The following BPNT1 variants were observed in gnomAD, a reference collection of about 807,000 sequenced individuals.
BPNT1 encodes 3'(2'),5'-bisphosphate nucleotidase 1.
A neutral mutation model predicts 36.9 loss-of-function variants in BPNT1; 28 were observed. The ratio of observed to expected loss-of-function variants is 0.76; its 90% CI spans 0.56 to 1.04. The LOEUF (loss-of-function observed/expected upper bound fraction) is 1.04, where lower values mean the gene tolerates loss of function less well. Among genes scored for constraint, BPNT1 ranks in the 50% least tolerant of loss-of-function variants. The pLI, the probability that BPNT1 is intolerant of heterozygous loss-of-function variation, is 0.00. For synonymous variants in BPNT1, 119 were observed against 130.9 expected (o/e 0.91, Z 0.62); for missense variants, 313 against 372.9 (o/e 0.84, Z 1.32).
chr1:220,083,310 T>C (rs1655386533), intron 1 of BPNT1, among the ~76,000 whole-genome samples: 1 of 151,486 alleles, frequency 6.6e-6, no homozygotes, highest in African/African-American at 2.4e-5. Context: ...GAAATTAAGA[T>C]GAAAATTAAA....
chr1:220,080,444 C>T (rs1254964382), intron 1 of BPNT1, among the ~76,000 whole-genome samples: 1 of 152,074 alleles, frequency 6.6e-6, no homozygotes, highest in African/African-American at 2.4e-5. Context: ...TACTTCTGCA[C>T]CAACCTAATA....
intron 6 of BPNT1, among the ~76,000 whole-genome samples, chr1:220,064,457 A>G (rs369157299): frequency 4.6e-5 from 7 of 152,324 alleles, no homozygotes; most frequent in South Asian, 4.1e-4. Context: ...GGAAGAAATA[A>G]GCTGTGATGC....
chr1:220,086,995 C>A (rs185044847), intron 1 of BPNT1, among the ~76,000 whole-genome samples: 1 of 140,320 alleles, frequency 7.1e-6, no homozygotes, highest in Admixed American at 7.4e-5. Context: ...TGCAGTGAGC[C>A]GAGATGGTGC....
intron 1 of BPNT1, among the ~76,000 whole-genome samples, chr1:220,083,110 A>ATG (rs1655350192): frequency 6.6e-6 from 1 of 150,850 alleles, no homozygotes; most frequent in Non-Finnish European, 1.5e-5. Flanking sequence ...GGTGGCATGC[A>ATG]CCTGTAATCC....
chr1:220,082,856 T>C (rs1655322324), intron 1 of BPNT1, among the ~76,000 whole-genome samples: 2 of 152,074 alleles, frequency 1.3e-5, no homozygotes, highest in South Asian at 2.1e-4. Flanking sequence ...TTACATCTTG[T>C]TTCTATCATC....
At chr1:220,073,351 C>T (rs1207006834) in intron 3 of BPNT1, among the ~76,000 whole-genome samples, 2 of 151,694 alleles carry the variant, frequency 1.3e-5, no homozygotes, top group Non-Finnish European at 2.9e-5. Context: ...TGCAGGGACA[C>T]CATCTCAGCT....
chr1:220,070,885 C>T (rs1664002124), intron 4 of BPNT1, among the ~76,000 whole-genome samples: 1 of 149,920 alleles, frequency 6.7e-6, no homozygotes, highest in Non-Finnish European at 1.5e-5. Flanking sequence ...CGCCTATAAT[C>T]CCAGCACTTT....
chr1:220,059,036 G>T, intron 8 of BPNT1, 44 bp from the exon 9 acceptor site: 1 of 1,598,530 alleles, frequency 6.3e-7, no homozygotes, highest in Non-Finnish European at 8.5e-7. Flanking sequence ...GTGGCTAATT[G>T]GATTGTGGTT....
At chr1:220,074,395 T>C (rs1304374875) in intron 2 of BPNT1, among the ~76,000 whole-genome samples, 1 of 152,232 alleles carries the variant, frequency 6.6e-6, no homozygotes, top group Non-Finnish European at 1.5e-5. Flanking sequence ...TAATAGTTAT[T>C]AGAAAAGTGT....
In BPNT1 at chr1:220,059,004, C is replaced by T; in HGVS notation, c.779-12G>A. 5.6e-6 allele frequency: 9 copies of T among 1,612,526 alleles called. No homozygotes were observed. The highest frequency in any genetic ancestry group is 7.6e-6 in the Non-Finnish European group (9 of 1,179,172). ...ATCGGTTAACTTGCCTATAGAAAAACATCAATCAATCAATCAAGTTAGTGG... is the reference window on the plus strand; with the variant it reads ...ATCGGTTAACTTGCCTATAGAAAAATATCAATCAATCAATCAAGTTAGTGG... On this transcript the variant is annotated splice_polypyrimidine_tract_variant and intron_variant, in intron 8 of 8. Transcript: ENST00000322067.
At chr1:220,077,670 C>G (rs749030995) in intron 2 of BPNT1, among the ~76,000 whole-genome samples, 1 of 152,116 alleles carries the variant, frequency 6.6e-6, no homozygotes, top group African/African-American at 2.4e-5. Flanking sequence ...AGTGAACTCA[C>G]GTCAACTTTT....
At chr1:220,079,952 C>T (rs1664953294) in intron 1 of BPNT1, 98 bp from the exon 2 acceptor site, 2 of 1,265,424 alleles carry the variant, frequency 1.6e-6, no homozygotes, top group South Asian at 1.6e-5. Flanking sequence ...TGAGTGCTAA[C>T]TTGGGATTGC....
intron 6 of BPNT1, among the ~76,000 whole-genome samples, chr1:220,064,139 T>C (rs1268092021): frequency 6.6e-6 from 1 of 152,026 alleles, no homozygotes; most frequent in Non-Finnish European, 1.5e-5. Flanking sequence ...ATTAGAAAAA[T>C]GAAATGTGGA....
intron 5 of BPNT1, among the ~76,000 whole-genome samples, chr1:220,068,170 C>G (rs557284736): frequency 1.3e-5 from 2 of 152,072 alleles, no homozygotes; most frequent in African/African-American, 2.4e-5. Flanking sequence ...TTATCATCAT[C>G]ATCATCATTA....
At chr1:220,076,462 C>T (rs938963443) in intron 2 of BPNT1, among the ~76,000 whole-genome samples, 6 of 143,258 alleles carry the variant, frequency 4.2e-5, no homozygotes, top group Non-Finnish European at 7.5e-5. Context: ...GATCATGCCA[C>T]TGTACTCCAG....
chr1:220,077,350 A>G (rs2102721966), intron 2 of BPNT1, among the ~76,000 whole-genome samples: 1 of 152,206 alleles, frequency 6.6e-6, no homozygotes, highest in East Asian at 1.9e-4. Context: ...AAATCTATCA[A>G]AAAAGGAAAT....
intron 1 of BPNT1, among the ~76,000 whole-genome samples, chr1:220,086,418 C>T (rs1655729244): frequency 6.6e-6 from 1 of 151,906 alleles, no homozygotes; most frequent in African/African-American, 2.4e-5. Context: ...ACTACAGGCA[C>T]GCATCACCAC....
chr1:220,067,454 A>AC (rs1385263213), intron 5 of BPNT1, 61 bp from the exon 6 acceptor site: 10 of 1,134,152 alleles, frequency 8.8e-6, no homozygotes, highest in Non-Finnish European at 1.3e-5. Context: ...CATCATTACT[A>AC]CATCAATTGC....
Position 220,057,899 on chromosome 1 carries a change from C to T in BPNT1, c.*945G>A, listed in dbSNP as rs12407434. On this transcript the variant is annotated 3_prime_UTR_variant, in exon 9 of 9. Transcript: ENST00000322067. ...TGCCCTAAAGAAATCTGGTTTAGGCCAGGTGCGGTGGCTCACACCTGTAAT... is the reference window on the plus strand; with the variant it reads ...TGCCCTAAAGAAATCTGGTTTAGGCTAGGTGCGGTGGCTCACACCTGTAAT... 5.4e-6 allele frequency: 7 copies of T among 1,299,676 alleles called. No individual in the cohort carries two copies. Among genetic ancestry groups the T allele is most frequent in the Non-Finnish European group, 7.1e-6 (7 of 986,600 alleles). The allele number at this position is 1,299,676 out of a possible 1,614,324, so 80.5% of individuals were successfully genotyped here.
Sources: gnomAD v4.1 joint callset for allele counts (sites outside exome capture counted in the v4.1 genomes callset) on GRCh38, gnomAD v4.1.1 for gene constraint, MANE v1.5 for transcripts, NCBI Gene and HGNC (gene_info 2026-07-23, HGNC 2026-07-21) for gene names.